The following PLK5 variants were observed in gnomAD, a reference collection of about 807,000 sequenced individuals.
The protein encoded by PLK5 is polo like kinase 5 (inactive).
Under a neutral mutation model 33.7 loss-of-function variants are expected in PLK5, and 28 were observed. The observed-to-expected ratio is 0.83, with a 90% CI of 0.62 to 1.14. The LOEUF (loss-of-function observed/expected upper bound fraction) is 1.14. Ranked by LOEUF, PLK5 falls within the 50% of genes most tolerant of loss-of-function variation. The pLI, the probability that PLK5 is intolerant of heterozygous loss-of-function variation, is 0.00. For missense variants in PLK5, 492 were observed against 461.5 expected, an observed-to-expected ratio of 1.07 and a Z score of -0.61; for synonymous variants, 225 against 202.2, an observed-to-expected ratio of 1.11 and a Z score of -0.96.
Position 1,533,822 on chromosome 19 carries a change from G to A in PLK5, c.715-109G>A, listed in dbSNP as rs552074303. The A allele has an allele frequency of 5.4e-4, 468 of 861,920 alleles. 1 individual carries two copies. The highest frequency in any genetic ancestry group is 1.2e-3 in the South Asian group (77 of 63,366). 53.4% of individuals were successfully genotyped at this position (861,920 alleles called of 1,614,324 possible). A position where few individuals can be genotyped will look rare whatever the true frequency, so the allele number is the denominator to read the frequency against. ...GCTGGCCGTGCTGCAGCTCTTTGCC[G>A]GCTGCCTGCGGCGGCGGCTGCGGGA... On this transcript the variant is annotated intron_variant, in intron 12 of 13. Transcript: ENST00000454744.
intron 8 of PLK5, 50 bp downstream of exon 8, chr19:1,528,478 A>C (rs1277510669): frequency 1.3e-5 from 16 of 1,275,480 alleles, no homozygotes; most frequent in South Asian, 4.3e-5. Context: ...CACGCCTCCC[A>C]CCTGCCCACA....
Position 1,524,113 on chromosome 19 carries a change from G to C in PLK5, c.-677G>C, listed in dbSNP as rs1488265234. 2 of 151,060 alleles carry C rather than the reference G, an allele frequency of 1.3e-5. No homozygotes were observed. Among genetic ancestry groups the C allele is most frequent in the Admixed American group, 6.6e-5 (1 of 15,154 alleles). The allele number at this position is 151,060 out of a possible 1,614,324, so 9.4% of individuals were successfully genotyped here. On this transcript the variant is annotated 5_prime_UTR_variant, in exon 1 of 14. Transcript: ENST00000454744. This position sits in a 1 kb window ranked among gnomAD's most constrained non-coding sequence, Gnocchi z 4.5. ...GGAGCGGCCGCAGCGCGGTGGTCTC[G>C]GCCCGGCTGCGCCAGAGTCCGCGCG...
chr19:1,534,091 C>A lies in PLK5; in HGVS notation c.825+50C>A, dbSNP rs1308720604. 26 of 1,410,714 alleles carry A rather than the reference C, an allele frequency of 1.8e-5. No homozygotes were observed. In the Admixed American group the frequency reaches 5.2e-4, roughly 28 times the overall value. The allele number at this position is 1,410,714 out of a possible 1,614,324, so 87.4% of individuals were successfully genotyped here. A position where few individuals can be genotyped will look rare whatever the true frequency, so the allele number is the denominator to read the frequency against. ...GCACTGGGGCTCGGCAGGGTGGGGT[C>A]TGGCCTGCCTGGGCTGTTACGGAGC... On this transcript the variant is annotated intron_variant, in intron 13 of 13. Coordinates refer to ENST00000454744, the MANE Select transcript of PLK5 (RefSeq NM_001243079.2).
chr19:1,532,833 A>T (rs1221894169), intron 12 of PLK5, among the ~76,000 whole-genome samples: 1 of 146,008 alleles, frequency 6.8e-6, no homozygotes, highest in South Asian at 2.1e-4. Flanking sequence ...CTCCTGGCTA[A>T]TTTTTTGTAT....
intron 9 of PLK5, 90 bp downstream of exon 9, chr19:1,529,064 G>A: frequency 3.3e-6 from 4 of 1,204,022 alleles, no homozygotes; most frequent in Non-Finnish European, 4.5e-6. Context: ...CGGCTTCTCT[G>A]AACCCCTTCT....
chr19:1,529,764 C>G lies in PLK5; in HGVS notation c.508C>G (p.Arg170Gly). 1 of 1,536,030 alleles carries G rather than the reference C, an allele frequency of 6.5e-7. No individual in the cohort carries two copies. Among genetic ancestry groups the G allele is most frequent in the African/African-American group, 1.4e-5 (1 of 73,134 alleles). ...CTTCCCAGGGCCCGAGGGGAGCCGGCGGCCAGAGGTGGAGGCGGCCCTCAG... is the reference window on the plus strand; with the variant it reads ...CTTCCCAGGGCCCGAGGGGAGCCGGGGGCCAGAGGTGGAGGCGGCCCTCAG... ...SDLAGPEGSR[R>G]PEVEAALRHL... The change falls in exon 11 of 14, where the codon CGG becomes GGG. Residue 170 changes from arginine to glycine, a missense_variant. Physicochemically the swap from Arg to Gly is moderately radical, Grantham distance 125. Coordinates refer to ENST00000454744, the MANE Select transcript of PLK5 (RefSeq NM_001243079.2).
At chr19:1,525,156 G>A (rs1913701128) in intron 1 of PLK5, 149 bp from the exon 2 acceptor site, 1 of 152,924 alleles carries the variant, frequency 6.5e-6, no homozygotes, top group Non-Finnish European at 1.5e-5. Context: ...CAGGCGGGAG[G>A]GTGGGAGCTG....
rs1008870805 is a variant in PLK5 at position 1,525,414 on chromosome 19, G to A, written c.-434G>A. The A allele has an allele frequency of 2.6e-5, 4 of 152,268 alleles. No homozygotes were observed. In the East Asian group the frequency reaches 7.7e-4, roughly 29 times the overall value. The allele number at this position is 152,268 out of a possible 1,614,324, so 9.4% of individuals were successfully genotyped here. ...GGGGCCGGGTGGCTTCGCCCGCAGG[G>A]AAAGGTGCGTGTCCCCATCGGTCCC... On this transcript the variant is annotated 5_prime_UTR_variant, in exon 2 of 14. Transcript: ENST00000454744.
rs138626853 is a variant in PLK5, at chr19:1,529,419, C to G, written c.419C>G (p.Ala140Gly). 1 of 1,535,920 alleles carries G rather than the reference C, an allele frequency of 6.5e-7. No individual in the cohort carries two copies. The highest frequency in any genetic ancestry group is 1.2e-5 in the South Asian group (1 of 84,062). The part of the protein sequence containing the change: ...MEWDGESSLS[A>G]KEVPCLEGPI... ...CTCCCACCTCAGAGCTCCCTGTCTG[C>G]GAAAGAGGTTCCCTGCCTGGAAGGC... Residue 140 changes from alanine (A) to glycine (G), a missense_variant, in exon 10 of 14, where the codon GCG (alanine) becomes GGG (glycine). Transcript: ENST00000454744.
chr19:1,533,833 G>T, intron 12 of PLK5, 98 bp from the exon 13 acceptor site: 2 of 968,396 alleles, frequency 2.1e-6, no homozygotes, highest in Non-Finnish European at 3.1e-6. Context: ...GCTGCCTGCG[G>T]CGGCGGCTGC....
At position 1,524,077 on chromosome 19, in the gene PLK5, A is replaced by AGAGCGGCCCCG. The variant is rs1191121886; in HGVS notation, c.-704_-694dup. 6.6e-6 allele frequency: 1 copy of AGAGCGGCCCCG among 151,188 alleles called. No homozygotes were observed. Among genetic ancestry groups the AGAGCGGCCCCG allele is most frequent in the Non-Finnish European group, 1.5e-5 (1 of 67,700 alleles). 9.4% of individuals were successfully genotyped at this position (151,188 alleles called of 1,614,324 possible). On this transcript the variant is annotated 5_prime_UTR_variant, in exon 1 of 14. Coordinates refer to ENST00000454744, the MANE Select transcript of PLK5 (RefSeq NM_001243079.2). The surrounding 1 kb of genome is among the most constrained non-coding windows in gnomAD (Gnocchi z 4.5). ...GCTCCCCGGCGGCTCCTGCGCCCTC[A>AGAGCGGCCCCG]GAGCGGCCCCGGAGCGGCCGCAGCG...
At chr19:1,532,078 G>A (rs902746024) in intron 12 of PLK5, among the ~76,000 whole-genome samples, 195 bp downstream of exon 12, 1 of 152,200 alleles carries the variant, frequency 6.6e-6, no homozygotes, top group African/African-American at 2.4e-5. Context: ...AGATTAGGAG[G>A]GGAGGTGAAT....
chr19:1,528,368 C>T lies in PLK5; in HGVS notation c.268C>T (p.Pro90Ser). The T allele has an allele frequency of 6.5e-7, 1 of 1,535,730 alleles. No homozygotes were observed. The highest frequency in any genetic ancestry group is 8.7e-7 in the Non-Finnish European group (1 of 1,146,762). ...TCCCCCCATCTTCGCCATACCCCCGCCTCTGGGCAGGATCTTCCGGAAGGT... is the reference window on the plus strand; with the variant it reads ...TCCCCCCATCTTCGCCATACCCCCGTCTCTGGGCAGGATCTTCCGGAAGGT... ...HSPPIFAIPPPLGRIFRKVGQ... is the reference protein window; with the variant it reads ...HSPPIFAIPPSLGRIFRKVGQ... The change falls in exon 8 of 14, where the codon CCT becomes TCT. Residue 90 changes from proline to serine, a missense_variant. Physicochemically the swap from Pro to Ser is moderately conservative, Grantham distance 74 (BLOSUM62 -1). Coordinates refer to ENST00000454744, the MANE Select transcript of PLK5 (RefSeq NM_001243079.2).
chr19:1,527,455 A>G (rs1913773871), intron 6 of PLK5, among the ~76,000 whole-genome samples: 1 of 152,098 alleles, frequency 6.6e-6, no homozygotes, highest in African/African-American at 2.4e-5. Flanking sequence ...TACAAAAATT[A>G]GCCAGGAGTG....
chr19:1,533,919 G>A lies in PLK5; in HGVS notation c.715-12G>A. 6.5e-7 allele frequency: 1 copy of A among 1,528,194 alleles called. No individual in the cohort carries two copies. The highest frequency in any genetic ancestry group is 8.8e-7 in the Non-Finnish European group (1 of 1,141,700). The allele number at this position is 1,528,194 out of a possible 1,614,324, so 94.7% of individuals were successfully genotyped here. A position where few individuals can be genotyped will look rare whatever the true frequency, so the allele number is the denominator to read the frequency against. On this transcript the variant is annotated splice_polypyrimidine_tract_variant and intron_variant, in intron 12 of 13. Coordinates refer to ENST00000454744, the MANE Select transcript of PLK5 (RefSeq NM_001243079.2). ...CCCTGCGTCACGTGACCTCAGCCGA[G>A]TCTGTCCACAGGAGGGGACCCTCCC...
chr19:1,528,846 C>G, intron 8 of PLK5, 52 bp from the exon 9 acceptor site: 1 of 1,378,954 alleles, frequency 7.3e-7, no homozygotes, highest in Non-Finnish European at 9.5e-7. Flanking sequence ...CCCCCCTACC[C>G]CCAGCTTGGG....
rs959835922 is a variant in PLK5, at chr19:1,529,816, G to GC, written c.566dup (p.Ala190GlyfsTer73). 38 of 1,535,644 alleles carry GC rather than the reference G, an allele frequency of 2.5e-5. No homozygotes were observed. The highest frequency in any genetic ancestry group is 9.8e-5 in the East Asian group (4 of 40,918). On this transcript the variant is annotated frameshift_variant, in exon 11 of 14. Transcript: ENST00000454744. LOFTEE classifies it high-confidence loss of function. ...CACCTGCAGCTGTGCCTGGATGTAG[G>GC]CCCCCCGGGTAGGAGCCGGCCCAGC... is the stretch of plus-strand genomic sequence containing the variant.
In PLK5 at chr19:1,527,161, CGT is replaced by C. The variant is rs551280274; in HGVS notation, c.2+169_2+170del. Among the ~76,000 whole-genome samples the C allele has an allele frequency of 6.0e-3, 902 of 149,810 alleles. 6 individuals are homozygous for C. Among genetic ancestry groups the C allele is most frequent in the African/African-American group, 0.021 (865 of 40,844 alleles). The stretch of plus-strand genomic sequence containing the variant: ...TATGAACAGGACGTGTGTGGGGAGG[CGT>C]GTGTGAGGGAGGACGGGGGAGGGTG... On this transcript the variant is annotated intron_variant, in intron 6 of 13. Transcript: ENST00000454744.
chr19:1,528,658 A>G (rs62128516), intron 8 of PLK5, among the ~76,000 whole-genome samples: 189 of 18,480 alleles, frequency 0.01, 26 homozygotes, highest in African/African-American at 0.046. Context: ...ACCTGCCCAC[A>G]CCTCCCACCT....
Sources: allele counts gnomAD v4.1 joint callset (sites outside exome capture counted in the v4.1 genomes callset), GRCh38; gene constraint gnomAD v4.1.1; non-coding constraint Gnocchi (gnomAD v3.1); transcripts MANE v1.5; gene names NCBI Gene and HGNC (gene_info 2026-07-23, HGNC 2026-07-21).